Variants in ARHGEF4 observed in about 807,000 individuals in gnomAD.
ARHGEF4 encodes the protein APC-stimulated guanine nucleotide exchange factor 1.
In ARHGEF4, 119 loss-of-function variants were observed where a neutral mutation model predicts 162.0. That is an observed-to-expected ratio of 0.73 (90% CI 0.63 to 0.86). The LOEUF is 0.86. Ranked by LOEUF, ARHGEF4 falls within the 40% of genes least tolerant of loss-of-function variation. The pLI is 0.00. For synonymous variants in ARHGEF4, 1,014 were observed against 979.9 expected (o/e 1.03, Z -0.65); for missense variants, 2,488 against 2,456.0 (o/e 1.01, Z -0.28).
chr2:131,020,968 T>C (rs1355607434), intron 4 of ARHGEF4, among the ~76,000 whole-genome samples: 1 of 152,250 alleles, frequency 6.6e-6, no homozygotes, highest in Non-Finnish European at 1.5e-5. Context: ...CATGTGTCTT[T>C]TGGCTGCATA....
chr2:130,883,751 C>T (rs958584707), intron 1 of ARHGEF4, among the ~76,000 whole-genome samples: 2 of 152,088 alleles, frequency 1.3e-5, no homozygotes, highest in African/African-American at 2.4e-5. Flanking sequence ...GCCGTGGGCA[C>T]ACTGGTCTTC....
At position 130,995,516 on chromosome 2, in the gene ARHGEF4, G is replaced by T. The variant is rs183284521; in HGVS notation, c.3986-32429G>T. 2.0e-5 allele frequency among the ~76,000 whole-genome samples: 3 copies of T among 152,244 alleles called. No homozygotes were observed. The East Asian group carries it at 5.8e-4, about 29-fold the overall frequency. On this transcript the variant is annotated intron_variant, in intron 4 of 13. Transcript: ENST00000409359. Reference sequence around the variant, plus strand: ...GCAGCTATTGAAGTTACCTCCTGTTGTGCATGTTGCCTCTCCTCCACATGT... The same window carrying T: ...GCAGCTATTGAAGTTACCTCCTGTTTTGCATGTTGCCTCTCCTCCACATGT...
chr2:130,850,010 C>T lies in ARHGEF4; in HGVS notation c.39+13018C>T, dbSNP rs540648590. On this transcript the variant is annotated intron_variant, in intron 1 of 13. Coordinates refer to ENST00000409359, the MANE Select transcript of ARHGEF4 (RefSeq NM_001367493.1). The stretch of plus-strand genomic sequence containing the variant: ...GCATCTTTGTAAGCAGGAAACAGGA[C>T]GCTGTAACTGCACATGTGGTCTGGG... Among the ~76,000 whole-genome samples the T allele has an allele frequency of 9.2e-5, 14 of 152,336 alleles. No homozygotes were observed. The South Asian group carries it at 2.5e-3, about 27-fold the overall frequency.
chr2:131,006,114 A>T (rs879869933), intron 4 of ARHGEF4, among the ~76,000 whole-genome samples: 6 of 152,186 alleles, frequency 3.9e-5, no homozygotes, highest in Non-Finnish European at 7.3e-5. Context: ...GGAAGATGGT[A>T]ATAGCCCCTG....
chr2:130,837,041 C>T (rs1285714524), intron 1 of ARHGEF4, 49 bp downstream of exon 1: 1 of 1,225,152 alleles, frequency 8.2e-7, no homozygotes, highest in Non-Finnish European at 1.0e-6. Context: ...GCGCCCTGCG[C>T]GGGTGGGGAG....
At position 130,916,726 on chromosome 2, in the gene ARHGEF4, A is replaced by G. The variant is rs1681521735; in HGVS notation, c.2780A>G (p.Lys927Arg). 3 of 1,550,688 alleles carry G rather than the reference A, an allele frequency of 1.9e-6. No homozygotes were observed. The highest frequency in any genetic ancestry group is 1.7e-6 in the Non-Finnish European group (2 of 1,147,016). The part of the protein sequence containing the change: ...SNFIESIVLE[K>R]ENTHERSPSS... ...TTTATTGAGTCAATAGTTCTAGAGA[A>G]AGAGAACACCCATGAACGTTCCCCA... is the stretch of plus-strand genomic sequence containing the variant. Residue 927 changes from lysine (K) to arginine (R), a missense_variant, in exon 2 of 14, where the codon AAA (lysine) becomes AGA (arginine). Around this residue, in one of 6 missense-constraint regions of ARHGEF4, gnomAD observed 1,642 missense variants for 1,481.5 expected, o/e 1.11. Transcript: ENST00000409359.
chr2:131,037,896 A>T (rs1465270300), intron 5 of ARHGEF4, among the ~76,000 whole-genome samples: 1 of 152,142 alleles, frequency 6.6e-6, no homozygotes, highest in East Asian at 1.9e-4. Flanking sequence ...TCACAGAGGT[A>T]GCAGCTGCAA....
At position 131,039,086 on chromosome 2, in the gene ARHGEF4, G is replaced by A. The variant is rs1558889851; in HGVS notation, c.4305+54G>A. The A allele has an allele frequency of 3.3e-6, 5 of 1,527,162 alleles. No individual in the cohort carries two copies. In the South Asian group the frequency reaches 5.0e-5, roughly 15 times the overall value. The allele number at this position is 1,527,162 out of a possible 1,614,324, so 94.6% of individuals were successfully genotyped here. A position where few individuals can be genotyped will look rare whatever the true frequency, so the allele number is the denominator to read the frequency against. The stretch of plus-strand genomic sequence containing the variant: ...AGTTGGGCCCATAAAAAGCTACCTG[G>A]TTCTGCAGAGAAATCCAAGCCCAAA... On this transcript the variant is annotated intron_variant, in intron 6 of 13. Coordinates refer to ENST00000409359, the MANE Select transcript of ARHGEF4 (RefSeq NM_001367493.1).
At chr2:131,027,127 C>T (rs1185685797) in intron 4 of ARHGEF4, among the ~76,000 whole-genome samples, 1 of 152,188 alleles carries the variant, frequency 6.6e-6, no homozygotes, top group African/African-American at 2.4e-5. Context: ...CCAGCAGCAC[C>T]ACCACAGCAG....
chr2:131,041,953 C>CT lies in ARHGEF4; in HGVS notation c.5025+10dup, dbSNP rs1333951281. On this transcript the variant is annotated intron_variant, in intron 10 of 13. Coordinates refer to ENST00000409359, the MANE Select transcript of ARHGEF4 (RefSeq NM_001367493.1). The stretch of plus-strand genomic sequence containing the variant: ...CCATAGAGGACTGGGAGGTGAGGGC[C>CT]TGGGGGCACAGAAAATTCCAGGAGG... 3.7e-6 allele frequency: 6 copies of CT among 1,609,346 alleles called. No homozygotes were observed. The highest frequency in any genetic ancestry group is 5.1e-6 in the Non-Finnish European group (6 of 1,177,722).
At chr2:130,887,097 TA>T (rs761800456) in intron 1 of ARHGEF4, among the ~76,000 whole-genome samples, 2 of 152,106 alleles carry the variant, frequency 1.3e-5, no homozygotes, top group Non-Finnish European at 2.9e-5. Context: ...TTTTTCTTTT[TA>T]AAGGTTGTTT....
chr2:130,846,627 G>A (rs527922146), intron 1 of ARHGEF4, among the ~76,000 whole-genome samples: 25 of 152,306 alleles, frequency 1.6e-4, no homozygotes, highest in African/African-American at 6.0e-4. Flanking sequence ...GAGGAAGCTG[G>A]ACTTTGCTTG....
chr2:130,998,293 C>G (rs1430913726), intron 4 of ARHGEF4, among the ~76,000 whole-genome samples: 1 of 152,096 alleles, frequency 6.6e-6, no homozygotes, highest in African/African-American at 2.4e-5. Context: ...CAGAGTGTTC[C>G]TATAAACCCC....
chr2:130,873,507 T>G (rs567235745), intron 1 of ARHGEF4, among the ~76,000 whole-genome samples: 3 of 129,052 alleles, frequency 2.3e-5, no homozygotes, highest in Non-Finnish European at 4.6e-5. Flanking sequence ...GAGAATCACT[T>G]GAACCTGGGA....
chr2:130,984,948 G>T (rs760595852), intron 4 of ARHGEF4, among the ~76,000 whole-genome samples: 1 of 151,974 alleles, frequency 6.6e-6, no homozygotes, highest in Admixed American at 6.6e-5. Flanking sequence ...GCACTTGCCC[G>T]CACACCACAC....
intron 6 of ARHGEF4, 109 bp downstream of exon 6, chr2:131,039,141 T>TG: frequency 7.3e-7 from 1 of 1,361,084 alleles, no homozygotes; most frequent in Non-Finnish European, 9.7e-7. Context: ...TGCAGAGCAC[T>TG]GGGTGGTGGG....
intron 1 of ARHGEF4, among the ~76,000 whole-genome samples, chr2:130,890,439 G>C (rs1014154870): frequency 2.0e-5 from 3 of 152,182 alleles, no homozygotes; most frequent in African/African-American, 7.2e-5. Flanking sequence ...GCGGGTGCCT[G>C]TAGTCCCAGG....
At chr2:130,962,721 C>T (rs572944758) in intron 4 of ARHGEF4, among the ~76,000 whole-genome samples, 1 of 151,818 alleles carries the variant, frequency 6.6e-6, no homozygotes, top group African/African-American at 2.4e-5. Context: ...CCTCTCATTT[C>T]ATCCTCTCCC....
intron 4 of ARHGEF4, among the ~76,000 whole-genome samples, chr2:130,994,367 T>A (rs916084632): frequency 1.1e-4 from 17 of 152,182 alleles, no homozygotes; most frequent in African/African-American, 4.1e-4. Flanking sequence ...ATGTATACAC[T>A]CTTATTATTA....
Sources: allele counts gnomAD v4.1 joint callset (sites outside exome capture counted in the v4.1 genomes callset), GRCh38; gene constraint gnomAD v4.1.1; regional missense constraint gnomAD v4.1.1; transcripts MANE v1.5; gene names NCBI Gene and HGNC (gene_info 2026-07-23, HGNC 2026-07-21).